The following SPOCD1 variants were observed in gnomAD, a reference collection of about 807,000 sequenced individuals.
SPOCD1 encodes the protein SPOC domain containing 1, also known as SPOC domain-containing protein 1.
In SPOCD1, 64 loss-of-function variants were observed where a neutral mutation model predicts 92.2. The ratio of observed to expected loss-of-function variants is 0.69; its 90% CI spans 0.57 to 0.86. The LOEUF (loss-of-function observed/expected upper bound fraction) is 0.86, where lower values mean the gene tolerates loss of function less well. Ranked by LOEUF, SPOCD1 falls within the 40% of genes least tolerant of loss-of-function variation. The pLI is 0.00. For missense variants in SPOCD1, 1,360 were observed against 1,543.1 expected, an observed-to-expected ratio of 0.88 and a Z score of 1.99; for synonymous variants, 578 against 619.3, an observed-to-expected ratio of 0.93 and a Z score of 0.99.
intron 2 of SPOCD1, among the ~76,000 whole-genome samples, chr1:31,805,377 T>C (rs1400647986): frequency 6.6e-6 from 1 of 151,746 alleles, no homozygotes; most frequent in Non-Finnish European, 1.5e-5. Context: ...TAAGAAAAAA[T>C]AATCCAAAAG....
intron 2 of SPOCD1, among the ~76,000 whole-genome samples, chr1:31,809,503 C>T (rs548502863): frequency 1.3e-5 from 2 of 150,674 alleles, no homozygotes; most frequent in African/African-American, 2.4e-5. Context: ...ACAAAACTAT[C>T]ACAGCAGCAC....
Position 31,800,044 on chromosome 1 carries a change from T to A in SPOCD1, c.1700A>T (p.Asp567Val), listed in dbSNP as rs762257096. Residue 567 changes from aspartate to valine, a missense_variant, in exon 5 of 16, where the codon GAC becomes GTC. Physicochemically the swap from Asp to Val is radical, Grantham distance 152. Transcript: ENST00000360482. ...PPRSGSLALG[D>V]PSSDPACSQS... ...GGAACATGCAGGGTCCGAGCTGGGG[T>A]CGCCAAGGGCCAGGGAACCGCTTCT... The A allele has an allele frequency of 2.5e-6, 4 of 1,610,832 alleles. No individual in the cohort carries two copies. In the South Asian group the frequency reaches 4.4e-5, roughly 18 times the overall value.
chr1:31,800,117 C>G lies in SPOCD1; in HGVS notation c.1627G>C (p.Gly543Arg), dbSNP rs1264326026. ...AGGCCACCAGGGTCCCCTGCTGTGC[C>G]TCCTGAAGGAGAAGGCTGGAAAACC... ...CQVFQPSPSGGTAGDPGGLSD... is the reference protein window; with the variant it reads ...CQVFQPSPSGRTAGDPGGLSD... The change falls in exon 5 of 16, where the codon GGC (glycine) becomes CGC (arginine). Residue 543 changes from glycine (G) to arginine (R), a missense_variant. Transcript: ENST00000360482. 2 of 1,606,174 alleles carry G rather than the reference C, an allele frequency of 1.2e-6. No individual in the cohort carries two copies. Among genetic ancestry groups the G allele is most frequent in the East Asian group, 2.2e-5 (1 of 44,810 alleles).
rs763900089 is a variant in SPOCD1 at position 31,798,348 on chromosome 1, G to A, written c.2029-25C>T. Reference sequence around the variant, plus strand: ...CCTGGTGGGGGCAGGGGGCAGGGCTGCACCACACGCTGAAAGAGCTCCCCC... The same window carrying A: ...CCTGGTGGGGGCAGGGGGCAGGGCTACACCACACGCTGAAAGAGCTCCCCC... On this transcript the variant is annotated intron_variant, in intron 8 of 15. Coordinates refer to ENST00000360482, the MANE Select transcript of SPOCD1 (RefSeq NM_144569.7). This position sits in a 1 kb window ranked among gnomAD's most constrained non-coding sequence, Gnocchi z 4.1. The A allele has an allele frequency of 6.2e-7, 1 of 1,603,436 alleles. No homozygotes were observed. The highest frequency in any genetic ancestry group is 8.5e-7 in the Non-Finnish European group (1 of 1,173,192).
intron 3 of SPOCD1, 107 bp from the exon 4 acceptor site, chr1:31,800,724 G>A (rs1648405691): frequency 1.0e-6 from 1 of 994,452 alleles, no homozygotes; most frequent in African/African-American, 1.6e-5. Context: ...CCACTGGAGT[G>A]TAAGCTCCGT....
Position 31,814,340 on chromosome 1 carries a change from C to G in SPOCD1, c.994G>C (p.Ala332Pro). The change falls in exon 2 of 16, where the codon GCG becomes CCG. Residue 332 changes from alanine (A) to proline (P), a missense_variant. Coordinates refer to ENST00000360482, the MANE Select transcript of SPOCD1 (RefSeq NM_144569.7). The surrounding 1 kb of genome is among the most constrained non-coding windows in gnomAD (Gnocchi z 4.2). ...TGCTCTGCAGAGGCCTGTGCTGACG[C>G]CCCCAGGCACAGTGCTGCGCTCTGT... Reference protein sequence around the residue: ...PPQSAALCLGASAQASAEQQE... With the variant: ...PPQSAALCLGPSAQASAEQQE... 6.3e-7 allele frequency: 1 copy of G among 1,580,668 alleles called. No homozygotes were observed. Among genetic ancestry groups the G allele is most frequent in the East Asian group, 2.3e-5 (1 of 44,274 alleles).
chr1:31,794,321 G>T (rs1302238294), intron 10 of SPOCD1, 86 bp from the exon 11 acceptor site: 2 of 810,396 alleles, frequency 2.5e-6, no homozygotes, highest in East Asian at 2.7e-5. Flanking sequence ...CCAGGATGTG[G>T]TTTATTTTTC....
At chr1:31,815,413 C>A in intron 1 of SPOCD1, 41 bp from the exon 2 acceptor site, 2 of 1,414,954 alleles carry the variant, frequency 1.4e-6, no homozygotes, top group Non-Finnish European at 1.9e-6. Context: ...CTTGGAGAGT[C>A]CGACCTGTCA....
intron 4 of SPOCD1, 58 bp from the exon 5 acceptor site, chr1:31,800,199 TC>T: frequency 6.5e-7 from 1 of 1,527,158 alleles, no homozygotes. Flanking sequence ...GACTGTTCCC[TC>T]CCCAGATGTA....
In SPOCD1 at chr1:31,800,548, G is replaced by A. The variant is rs757809685; in HGVS notation, c.1495C>T (p.Pro499Ser). The A allele has an allele frequency of 2.5e-6, 4 of 1,611,718 alleles. No homozygotes were observed. The highest frequency in any genetic ancestry group is 3.4e-6 in the Non-Finnish European group (4 of 1,179,204). The change falls in exon 4 of 16, where the codon CCA becomes TCA. Residue 499 changes from proline (P) to serine (S), a missense_variant. Physicochemically the swap from Pro to Ser is moderately conservative, Grantham distance 74 (BLOSUM62 -1). This residue lies in a region of SPOCD1 where 606 missense variants were observed against 601.5 expected (regional missense o/e 1.01). Transcript: ENST00000360482. ...SHGQAGGQLP[P>S]KLEVLEDLME... Reference sequence around the variant, plus strand: ...AAGTCCTCTAGAACCTCCAGCTTTGGTGGCAGCTGCCCCCCTGCCTGGCCG... The same window carrying A: ...AAGTCCTCTAGAACCTCCAGCTTTGATGGCAGCTGCCCCCCTGCCTGGCCG...
In SPOCD1 at chr1:31,799,497, G is replaced by C; in HGVS notation, c.1784-12C>G. ...CTGTTGGAGCTGAGCTGTAGGGAGA[G>C]AGCGTCACAGGCTCCCAGGGGTGCC... On this transcript the variant is annotated splice_polypyrimidine_tract_variant and intron_variant, in intron 6 of 15. Coordinates refer to ENST00000360482, the MANE Select transcript of SPOCD1 (RefSeq NM_144569.7). 6.2e-7 allele frequency: 1 copy of C among 1,606,180 alleles called. No individual in the cohort carries two copies. The highest frequency in any genetic ancestry group is 1.1e-5 in the South Asian group (1 of 89,708).
chr1:31,795,797 A>G (rs1478344762), intron 10 of SPOCD1: 2 of 152,434 alleles, frequency 1.3e-5, no homozygotes, highest in Non-Finnish European at 2.9e-5. Flanking sequence ...GACTGACTGA[A>G]TATAGTTAAA....
rs761597724 is a variant in SPOCD1, at chr1:31,798,994, C to T, written c.1869-393G>A. Among the ~76,000 whole-genome samples, 117 of 152,122 alleles carry T rather than the reference C, an allele frequency of 7.7e-4. 1 individual carries two copies. Among genetic ancestry groups the T allele is most frequent in the Non-Finnish European group, 1.3e-3 (89 of 68,028 alleles). ...GGGGAGAGAATGGAGCCCTGGCCCT[C>T]GGTGTCATCTGTCATTGACTTGCTG... On this transcript the variant is annotated intron_variant, in intron 7 of 15. Transcript: ENST00000360482. The surrounding 1 kb of genome is among the most constrained non-coding windows in gnomAD (Gnocchi z 4.1).
At position 31,798,139 on chromosome 1, in the gene SPOCD1, T is replaced by A. The variant is rs951358754; in HGVS notation, c.2145+68A>T. 23 of 1,178,174 alleles carry A rather than the reference T, an allele frequency of 2.0e-5. No homozygotes were observed. Among genetic ancestry groups the A allele is most frequent in the Non-Finnish European group, 2.8e-5 (22 of 783,860 alleles). The allele number at this position is 1,178,174 out of a possible 1,614,324, so 73.0% of individuals were successfully genotyped here. On this transcript the variant is annotated intron_variant, in intron 9 of 15. Coordinates refer to ENST00000360482, the MANE Select transcript of SPOCD1 (RefSeq NM_144569.7). This position sits in a 1 kb window ranked among gnomAD's most constrained non-coding sequence, Gnocchi z 4.1. ...CCCTCCCTGTCTCTGTCTCTCCCTC[T>A]TCCACTCTCAGGCCACCCACTCTGC...
chr1:31,793,670 CTA>C (rs1557815867), intron 12 of SPOCD1, 75 bp downstream of exon 12: 1 of 1,608,684 alleles, frequency 6.2e-7, no homozygotes, highest in African/African-American at 1.3e-5. Context: ...AAAGCCAGTG[CTA>C]TGTCTGTTGC....
At position 31,793,753 on chromosome 1, in the gene SPOCD1, T is replaced by C. The variant is rs778044676; in HGVS notation, c.2528A>G (p.Gln843Arg). ...CCTGCTCCCAACCCCACACCTGTCC[T>C]GTGGTTCCGTGGGAGACAACTCCCT... is the stretch of plus-strand genomic sequence containing the variant. ...KTRELSPTEPQDRVPPSGLHV... is the reference protein window; with the variant it reads ...KTRELSPTEPRDRVPPSGLHV... Residue 843 changes from glutamine to arginine, a missense_variant, in exon 12 of 16, where the codon CAG becomes CGG. Around this residue, in one of 3 missense-constraint regions of SPOCD1, gnomAD observed 614 missense variants for 757.8 expected, o/e 0.81. Coordinates refer to ENST00000360482, the MANE Select transcript of SPOCD1 (RefSeq NM_144569.7). 2.5e-6 allele frequency: 4 copies of C among 1,614,142 alleles called. No homozygotes were observed. Among genetic ancestry groups the C allele is most frequent in the Non-Finnish European group, 3.4e-6 (4 of 1,180,020 alleles).
chr1:31,811,363 C>A (rs1649185098), intron 2 of SPOCD1, among the ~76,000 whole-genome samples: 1 of 151,826 alleles, frequency 6.6e-6, no homozygotes, highest in Non-Finnish European at 1.5e-5. Context: ...CCCAGCTACT[C>A]AGGAGAATCC....
In SPOCD1 at chr1:31,814,605, AG is replaced by A; in HGVS notation, c.728del (p.Pro243LeufsTer183). On this transcript the variant is annotated frameshift_variant, in exon 2 of 16. Transcript: ENST00000360482. LOFTEE classifies it high-confidence loss of function. This position sits in a 1 kb window ranked among gnomAD's most constrained non-coding sequence, Gnocchi z 4.2. ...RGDNLLSVGD[P>X]PQVADLESLG... ...AGGACTCCAGGTCAGCAACTTGGGG[AG>A]GGTCTCCCACAGACAGGAGGTTGTC... The A allele has an allele frequency of 6.5e-7, 1 of 1,528,404 alleles. No individual in the cohort carries two copies. The highest frequency in any genetic ancestry group is 8.8e-7 in the Non-Finnish European group (1 of 1,138,282). The allele number at this position is 1,528,404 out of a possible 1,614,324, so 94.7% of individuals were successfully genotyped here. A position where few individuals can be genotyped will look rare whatever the true frequency, so the allele number is the denominator to read the frequency against.
intron 2 of SPOCD1, among the ~76,000 whole-genome samples, chr1:31,807,317 A>T (rs1432094315): frequency 7.8e-6 from 1 of 128,048 alleles, no homozygotes; most frequent in East Asian, 2.3e-4. Context: ...TGAAGCTGGG[A>T]GGTGGAGGCT....
Sources: gnomAD v4.1 joint callset for allele counts (sites outside exome capture counted in the v4.1 genomes callset) on GRCh38, gnomAD v4.1.1 for gene constraint, gnomAD v4.1.1 regional missense constraint, Gnocchi (gnomAD v3.1) non-coding constraint, MANE v1.5 for transcripts, NCBI Gene and HGNC (gene_info 2026-07-23, HGNC 2026-07-21) for gene names.